LHFPL4: variants seen among roughly 807,000 people sequenced by gnomAD.
LHFPL4 encodes LHFPL tetraspan subfamily member 4 protein.
LHFPL4 carries 6 observed loss-of-function variants against 20.0 expected under a neutral mutation model. The observed-to-expected ratio is 0.30, with a 90% confidence interval of 0.16 to 0.59. The LOEUF (loss-of-function observed/expected upper bound fraction) is 0.59. LHFPL4 is among the 20% of genes least tolerant of loss of function. LHFPL4 has a pLI of 0.88. For missense variants in LHFPL4, 215 were observed against 331.2 expected (o/e 0.65, Z 2.72); for synonymous variants, 129 against 143.8 (o/e 0.90, Z 0.74).
In LHFPL4 at chr3:9,498,608, C is replaced by G. The variant is rs1001508695; in HGVS notation, c.*3603G>C. 1 of 152,708 alleles carries G rather than the reference C, an allele frequency of 6.5e-6. No individual in the cohort carries two copies. The highest frequency in any genetic ancestry group is 1.5e-5 in the Non-Finnish European group (1 of 68,110). 9.5% of individuals were successfully genotyped at this position (152,708 alleles called of 1,614,324 possible). A position where few individuals can be genotyped will look rare whatever the true frequency, so the allele number is the denominator to read the frequency against. ...GCGGAAGGCTCCCTTGTTCCCTGTT[C>G]AGGAAACTCCAGTCCCACCCAAAGG... is the stretch of plus-strand genomic sequence containing the variant. On this transcript the variant is annotated 3_prime_UTR_variant, in exon 4 of 4. Coordinates refer to ENST00000287585, the MANE Select transcript of LHFPL4 (RefSeq NM_198560.3).
rs186578123 is a variant in LHFPL4 at position 9,514,983 on chromosome 3, G to A, written c.407-8780C>T. 1.7e-3 allele frequency among the ~76,000 whole-genome samples: 253 copies of A among 152,326 alleles called. 1 individual carries two copies. The highest frequency in any genetic ancestry group is 2.9e-3 in the Non-Finnish European group (200 of 68,026). On this transcript the variant is annotated intron_variant, in intron 2 of 3. Transcript: ENST00000287585. ...TAAATATCTATGTGGAGGTTTTGGT[G>A]TAGACATGAGTTTTTTATTCCTTTG...
chr3:9,538,323 C>T (rs887164967), intron 2 of LHFPL4, among the ~76,000 whole-genome samples: 2 of 152,112 alleles, frequency 1.3e-5, no homozygotes, highest in Non-Finnish European at 2.9e-5. Context: ...GAATAAGACC[C>T]GAACTCCAAA....
At chr3:9,547,885 AACC>A (rs2046526421) in intron 2 of LHFPL4, among the ~76,000 whole-genome samples, 2 of 152,132 alleles carry the variant, frequency 1.3e-5, no homozygotes, top group Admixed American at 1.3e-4. Flanking sequence ...GGCTCACTGC[AACC>A]TCCGCCTCCC....
At chr3:9,521,894 A>G (rs899399930) in intron 2 of LHFPL4, among the ~76,000 whole-genome samples, 1 of 152,110 alleles carries the variant, frequency 6.6e-6, no homozygotes, top group African/African-American at 2.4e-5. Flanking sequence ...GATTATTGCT[A>G]TAGGTGGATT....
intron 2 of LHFPL4, among the ~76,000 whole-genome samples, chr3:9,546,581 C>G (rs761770613): frequency 6.6e-6 from 1 of 152,194 alleles, no homozygotes; most frequent in Non-Finnish European, 1.5e-5. Context: ...AAGTCTCACT[C>G]TGTCACCATG....
At chr3:9,512,511 A>G (rs1162039180) in intron 2 of LHFPL4, among the ~76,000 whole-genome samples, 1 of 152,172 alleles carries the variant, frequency 6.6e-6, no homozygotes, top group African/African-American at 2.4e-5. Flanking sequence ...TTTTTTTGCA[A>G]TTTAACCATG....
chr3:9,526,160 T>A (rs572574695), intron 2 of LHFPL4, among the ~76,000 whole-genome samples: 1 of 152,226 alleles, frequency 6.6e-6, no homozygotes, highest in Non-Finnish European at 1.5e-5. Flanking sequence ...TCCATTTATA[T>A]GAGCTACCTA....
At chr3:9,552,133 C>T in intron 2 of LHFPL4, 141 bp downstream of exon 2, 4 of 1,111,060 alleles carry the variant, frequency 3.6e-6, no homozygotes. Flanking sequence ...CCAATACCCA[C>T]TGAGGGTCCG....
intron 2 of LHFPL4, among the ~76,000 whole-genome samples, chr3:9,547,787 CTTTGT>C (rs368545231): frequency 3.4e-5 from 5 of 146,594 alleles, no homozygotes; most frequent in Non-Finnish European, 7.4e-5. Flanking sequence ...GATTTTTGTT[CTTTGT>C]TTTGTTTTGT....
chr3:9,540,452 T>C lies in LHFPL4; in HGVS notation c.406+11822A>G, dbSNP rs149300539. On this transcript the variant is annotated intron_variant, in intron 2 of 3. Transcript: ENST00000287585. ...GCTGGATTTAGGAACTTACTTCTTG[T>C]AATAGAGTGTGGCAGAAGTGATGGT... 2.0e-4 allele frequency among the ~76,000 whole-genome samples: 30 copies of C among 152,312 alleles called. No individual in the cohort carries two copies. In the East Asian group the frequency reaches 4.8e-3, roughly 24 times the overall value.
chr3:9,540,517 A>G (rs2046470565), intron 2 of LHFPL4, among the ~76,000 whole-genome samples: 1 of 152,176 alleles, frequency 6.6e-6, no homozygotes, highest in Admixed American at 6.5e-5. Context: ...GCAGTGTGAT[A>G]GCCAGAACAA....
intron 2 of LHFPL4, among the ~76,000 whole-genome samples, chr3:9,529,202 T>A (rs1439972346): frequency 1.3e-5 from 2 of 152,066 alleles, no homozygotes; most frequent in Non-Finnish European, 1.5e-5. Context: ...CTAATTTTTG[T>A]ATTTTTAGTA....
chr3:9,545,102 A>C (rs1479393518), intron 2 of LHFPL4, among the ~76,000 whole-genome samples: 1 of 151,836 alleles, frequency 6.6e-6, no homozygotes, highest in Non-Finnish European at 1.5e-5. Context: ...TGAGAAACAC[A>C]AGAAGAGGGG....
chr3:9,506,351 A>G lies in LHFPL4; in HGVS notation c.407-148T>C. ...GTTACCCACTTCCACAGAGGGAGAA[A>G]GAGAGGGCAGGGGCAGGGAAAAGAG... On this transcript the variant is annotated intron_variant, in intron 2 of 3. Coordinates refer to ENST00000287585, the MANE Select transcript of LHFPL4 (RefSeq NM_198560.3). The surrounding 1 kb of genome is among the most constrained non-coding windows in gnomAD (Gnocchi z 4.5). 1 of 662,084 alleles carries G rather than the reference A, an allele frequency of 1.5e-6. No individual in the cohort carries two copies. The highest frequency in any genetic ancestry group is 2.5e-5 in the Admixed American group (1 of 39,912). The allele number at this position is 662,084 out of a possible 1,614,324, so 41.0% of individuals were successfully genotyped here. A position where few individuals can be genotyped will look rare whatever the true frequency, so the allele number is the denominator to read the frequency against.
chr3:9,505,805 T>A (rs1326177174), intron 3 of LHFPL4, among the ~76,000 whole-genome samples, 162 bp downstream of exon 3: 1 of 151,802 alleles, frequency 6.6e-6, no homozygotes, highest in African/African-American at 2.4e-5. Context: ...GCGATCTACC[T>A]GCCTTGGCTT....
At chr3:9,538,640 A>G (rs2046458016) in intron 2 of LHFPL4, among the ~76,000 whole-genome samples, 1 of 152,034 alleles carries the variant, frequency 6.6e-6, no homozygotes, top group African/African-American at 2.4e-5. Flanking sequence ...GAAATCAGGT[A>G]ATATTCCTGA....
chr3:9,502,332 G>C (rs2046183102), intron 3 of LHFPL4, 21 bp from the exon 4 acceptor site: 1 of 1,501,288 alleles, frequency 6.7e-7, no homozygotes, highest in Non-Finnish European at 9.3e-7. Context: ...GAGAGAGAGA[G>C]AGAAGGAGAG....
intron 2 of LHFPL4, among the ~76,000 whole-genome samples, chr3:9,551,775 C>T (rs185779456): frequency 6.6e-6 from 1 of 152,276 alleles, no homozygotes; most frequent in East Asian, 1.9e-4. Context: ...TTCATTTGTC[C>T]TTTTGGAATC....
intron 2 of LHFPL4, among the ~76,000 whole-genome samples, chr3:9,525,870 G>A (rs1056447468): frequency 2.0e-5 from 3 of 152,222 alleles, no homozygotes; most frequent in African/African-American, 7.2e-5. Flanking sequence ...AACAGGCACA[G>A]AAAGGTTAAA....
Sources: gnomAD v4.1 joint callset for allele counts (sites outside exome capture counted in the v4.1 genomes callset) on GRCh38, gnomAD v4.1.1 for gene constraint, Gnocchi (gnomAD v3.1) non-coding constraint, MANE v1.5 for transcripts, NCBI Gene and HGNC (gene_info 2026-07-23, HGNC 2026-07-21) for gene names.